CLVS1: variants seen among roughly 807,000 people sequenced by gnomAD.
The protein encoded by CLVS1 is clavesin-1.
Under a neutral mutation model 33.1 loss-of-function variants are expected in CLVS1, and 10 were observed. The observed-to-expected ratio is 0.30, with a 90% CI of 0.19 to 0.51. The LOEUF is 0.51. Among genes scored for constraint, CLVS1 ranks in the 20% least tolerant of loss-of-function variants. The pLI is 0.97. For synonymous variants in CLVS1, 163 were observed against 166.1 expected (o/e 0.98, Z 0.14); for missense variants, 343 against 433.4 (o/e 0.79, Z 1.85).
At chr8:61,235,249 A>G (rs1464659214) in intron 2 of CLVS1, among the ~76,000 whole-genome samples, 2 of 152,184 alleles carry the variant, frequency 1.3e-5, no homozygotes, top group Non-Finnish European at 2.9e-5. Context: ...AGGAGCTGTG[A>G]TTGTCCCAAA....
At chr8:61,380,066 T>C (rs1246092179) in intron 3 of CLVS1, among the ~76,000 whole-genome samples, 3 of 152,166 alleles carry the variant, frequency 2.0e-5, no homozygotes, top group Non-Finnish European at 4.4e-5. Flanking sequence ...GCCATTGCAA[T>C]GTAACATCAA....
At chr8:61,487,968 AC>A (rs1803939914) in intron 5 of CLVS1, among the ~76,000 whole-genome samples, 1 of 152,166 alleles carries the variant, frequency 6.6e-6, no homozygotes, top group Non-Finnish European at 1.5e-5. Context: ...GAGCATGTGC[AC>A]CCCAGCTTTA....
chr8:61,051,493 T>C, the CLVS1 span, among the ~76,000 whole-genome samples: 1 of 152,230 alleles, frequency 6.6e-6, no homozygotes, highest in Non-Finnish European at 1.5e-5. Flanking sequence ...GGGATGTGTG[T>C]CAGGCCAGGG....
intron 2 of CLVS1, among the ~76,000 whole-genome samples, chr8:61,276,737 G>A (rs1809567956): frequency 6.6e-6 from 1 of 152,204 alleles, no homozygotes; most frequent in Admixed American, 6.5e-5. Flanking sequence ...AAGATAATAG[G>A]TGTTTATGAA....
chr8:60,972,002 G>A, the CLVS1 span, among the ~76,000 whole-genome samples: 7 of 152,290 alleles, frequency 4.6e-5, no homozygotes, highest in African/African-American at 1.4e-4. Context: ...TGGTAAGCTC[G>A]GCTGGGTGGT....
intron 3 of CLVS1, among the ~76,000 whole-genome samples, chr8:61,436,741 A>C (rs1453953654): frequency 6.6e-6 from 1 of 152,158 alleles, no homozygotes; most frequent in Non-Finnish European, 1.5e-5. Context: ...GACATCACCA[A>C]ACTTAAGGCA....
chr8:61,413,154 G>A (rs1159380413), intron 3 of CLVS1, among the ~76,000 whole-genome samples: 2 of 152,034 alleles, frequency 1.3e-5, no homozygotes, highest in Admixed American at 6.6e-5. Context: ...AGTACTGAGA[G>A]GGTGGAGCCC....
At chr8:60,984,307 TC>T in the CLVS1 span, among the ~76,000 whole-genome samples, 5 of 151,732 alleles carry the variant, frequency 3.3e-5, no homozygotes, top group Non-Finnish European at 5.9e-5. Context: ...TTTCTTTTTT[TC>T]CTCTTCTTTT....
chr8:61,501,086 A>G lies in CLVS1; in HGVS notation c.*1544A>G, dbSNP rs1342738283. On this transcript the variant is annotated 3_prime_UTR_variant, in exon 6 of 6. Coordinates refer to ENST00000325897, the MANE Select transcript of CLVS1 (RefSeq NM_173519.3). Reference sequence around the variant, plus strand: ...ATATTTCTCAAACAACTGTATCACAATATAAATTAAACTAATTCATTTTTG... The same window carrying G: ...ATATTTCTCAAACAACTGTATCACAGTATAAATTAAACTAATTCATTTTTG... 1 of 152,240 alleles carries G rather than the reference A, an allele frequency of 6.6e-6. No individual in the cohort carries two copies. The highest frequency in any genetic ancestry group is 2.4e-5 in the African/African-American group (1 of 41,474). The allele number at this position is 152,240 out of a possible 1,614,324, so 9.4% of individuals were successfully genotyped here. A position where few individuals can be genotyped will look rare whatever the true frequency, so the allele number is the denominator to read the frequency against.
chr8:61,390,888 T>C (rs1455446793), intron 3 of CLVS1: 1 of 152,234 alleles, frequency 6.6e-6, no homozygotes, highest in East Asian at 1.9e-4. Context: ...AAAGCTTATA[T>C]AATCAAGTCT....
At chr8:61,486,037 G>A (rs1803867998) in intron 5 of CLVS1, among the ~76,000 whole-genome samples, 1 of 151,994 alleles carries the variant, frequency 6.6e-6, no homozygotes, top group South Asian at 2.1e-4. Flanking sequence ...CATGGCACAT[G>A]TATACATATG....
the CLVS1 span, among the ~76,000 whole-genome samples, chr8:60,992,990 T>TC: frequency 1.3e-5 from 2 of 152,192 alleles, no homozygotes; most frequent in Admixed American, 6.5e-5. Flanking sequence ...GAATCTTGCT[T>TC]TTACTGTGAG....
At chr8:61,158,223 C>G (rs1806686109) in intron 2 of CLVS1, among the ~76,000 whole-genome samples, 1 of 152,166 alleles carries the variant, frequency 6.6e-6, no homozygotes, top group Non-Finnish European at 1.5e-5. Context: ...CATCCCTAAA[C>G]TACATAATGT....
At position 61,501,185 on chromosome 8, in the gene CLVS1, T is replaced by C. The variant is rs1192408247; in HGVS notation, c.*1643T>C. On this transcript the variant is annotated 3_prime_UTR_variant, in exon 6 of 6. Coordinates refer to ENST00000325897, the MANE Select transcript of CLVS1 (RefSeq NM_173519.3). Reference sequence around the variant, plus strand: ...AATGCAGTGATGGAAACACTTTTCTTATGTACCAAGACATAGATAGGTAAG... The same window carrying C: ...AATGCAGTGATGGAAACACTTTTCTCATGTACCAAGACATAGATAGGTAAG... The C allele has an allele frequency of 6.6e-6, 1 of 152,198 alleles. No individual in the cohort carries two copies. Among genetic ancestry groups the C allele is most frequent in the East Asian group, 1.9e-4 (1 of 5,198 alleles). The allele number at this position is 152,198 out of a possible 1,614,324, so 9.4% of individuals were successfully genotyped here.
intron 2 of CLVS1, among the ~76,000 whole-genome samples, chr8:61,376,294 A>G (rs1813638525): frequency 6.6e-6 from 1 of 152,172 alleles, no homozygotes; most frequent in South Asian, 2.1e-4. Context: ...TGGGTAAGGG[A>G]TGCATTTCAA....
intron 1 of CLVS1, among the ~76,000 whole-genome samples, chr8:61,104,247 C>T (rs922539198): frequency 6.6e-6 from 1 of 152,144 alleles, no homozygotes; most frequent in Non-Finnish European, 1.5e-5. Flanking sequence ...AAAGAAGAAA[C>T]CTGGTTCATA....
At chr8:61,466,457 C>T (rs1043555391) in intron 5 of CLVS1, among the ~76,000 whole-genome samples, 1 of 152,158 alleles carries the variant, frequency 6.6e-6, no homozygotes, top group Admixed American at 6.5e-5. Flanking sequence ...TGGAAACCAA[C>T]AGTCCTGCTA....
chr8:60,967,234 ATGC>A, the CLVS1 span, among the ~76,000 whole-genome samples: 2 of 152,220 alleles, frequency 1.3e-5, no homozygotes, highest in Non-Finnish European at 2.9e-5. Flanking sequence ...CCTTGTTACC[ATGC>A]AGATTGGAAC....
At chr8:61,108,986 G>A (rs1805584324) in intron 1 of CLVS1, among the ~76,000 whole-genome samples, 1 of 152,204 alleles carries the variant, frequency 6.6e-6, no homozygotes, top group African/African-American at 2.4e-5. Context: ...AGGGAAAGGG[G>A]TGAGGAGGGA....
Sources: gnomAD v4.1 joint callset for allele counts (sites outside exome capture counted in the v4.1 genomes callset) on GRCh38, gnomAD v4.1.1 for gene constraint, MANE v1.5 for transcripts, NCBI Gene and HGNC (gene_info 2026-07-23, HGNC 2026-07-21) for gene names.